TPST1: variants seen among roughly 807,000 people sequenced by gnomAD.
The protein encoded by TPST1 is protein-tyrosine sulfotransferase 1.
TPST1 carries 20 observed loss-of-function variants against 34.8 expected under a neutral mutation model. That is an observed-to-expected ratio of 0.57 (90% confidence interval 0.40 to 0.84). The LOEUF is 0.84. Ranked by LOEUF, TPST1 falls within the 40% of genes least tolerant of loss-of-function variation. TPST1 has a pLI of 0.00. For synonymous variants in TPST1, 152 were observed against 159.4 expected (o/e 0.95, Z 0.35); for missense variants, 353 against 455.5 (o/e 0.78, Z 2.05).
At chr7:66,319,803 G>A (rs1791713697) in intron 3 of TPST1, among the ~76,000 whole-genome samples, 1 of 152,142 alleles carries the variant, frequency 6.6e-6, no homozygotes, top group East Asian at 1.9e-4. Context: ...TTTCGTAATT[G>A]GATGAAGAGT....
At chr7:66,357,017 C>A in intron 5 of TPST1, 146 bp downstream of exon 5, 1 of 673,576 alleles carries the variant, frequency 1.5e-6, no homozygotes, top group Non-Finnish European at 2.6e-6. Flanking sequence ...TGGAAGCAAG[C>A]ACATTACTTC....
chr7:66,243,610 A>ATTTTTTTTTTTTTTTTTTTTTTTTTTTTT (rs10627680), intron 2 of TPST1, among the ~76,000 whole-genome samples: 1 of 123,376 alleles, frequency 8.1e-6, no homozygotes, highest in Non-Finnish European at 1.6e-5. Context: ...TGCCCAGCTA[A>ATTTTTTTTTTTTTTTTTTTTTTTTTTTTT]TTTTTTTTTT....
At chr7:66,257,487 G>A (rs1790403216) in intron 2 of TPST1, among the ~76,000 whole-genome samples, 1 of 152,172 alleles carries the variant, frequency 6.6e-6, no homozygotes, top group African/African-American at 2.4e-5. Flanking sequence ...TTTCATGAAA[G>A]GTAGCATGTG....
intron 2 of TPST1, among the ~76,000 whole-genome samples, chr7:66,269,822 T>A (rs949922166): frequency 3.9e-5 from 6 of 152,102 alleles, no homozygotes; most frequent in African/African-American, 1.4e-4. Flanking sequence ...AGGGAAGGAC[T>A]CATTGGTAAG....
intron 2 of TPST1, among the ~76,000 whole-genome samples, chr7:66,260,650 GT>G (rs564267870): frequency 1.5e-4 from 23 of 152,156 alleles, no homozygotes; most frequent in African/African-American, 5.3e-4. Flanking sequence ...TTTTTTGTTT[GT>G]TTTATTTTTG....
intron 3 of TPST1, among the ~76,000 whole-genome samples, chr7:66,315,489 G>T (rs935989356): frequency 1.3e-5 from 2 of 152,222 alleles, no homozygotes; most frequent in Admixed American, 6.5e-5. Context: ...GGACAAGAAA[G>T]CCTGGGTGAT....
intron 3 of TPST1, among the ~76,000 whole-genome samples, chr7:66,311,579 G>T (rs546279579): frequency 6.6e-6 from 1 of 152,116 alleles, no homozygotes; most frequent in African/African-American, 2.4e-5. Context: ...TTAAGGCTTC[G>T]ATTATTAAAC....
Position 66,205,754 on chromosome 7 carries a change from CG to C in TPST1, c.-102+236del. 6.5e-6 allele frequency: 1 copy of C among 152,758 alleles called. No homozygotes were observed. Among genetic ancestry groups the C allele is most frequent in the Non-Finnish European group, 1.5e-5 (1 of 68,512 alleles). The allele number at this position is 152,758 out of a possible 1,614,324, so 9.5% of individuals were successfully genotyped here. ...CCGGGCTCGGCTTCGCCCCGGCCGC[CG>C]GGGCCTCTCCCCTCTGCCCTTTCTC... On this transcript the variant is annotated intron_variant, in intron 1 of 5. Transcript: ENST00000304842. This position sits in a 1 kb window ranked among gnomAD's most constrained non-coding sequence, Gnocchi z 5.0.
At chr7:66,273,594 C>T (rs1407400915) in intron 2 of TPST1, among the ~76,000 whole-genome samples, 1 of 152,074 alleles carries the variant, frequency 6.6e-6, no homozygotes, top group Non-Finnish European at 1.5e-5. Context: ...ACGAATGGAA[C>T]TGAATAGAGC....
chr7:66,277,908 T>C (rs1191869925), intron 2 of TPST1, among the ~76,000 whole-genome samples: 1 of 151,970 alleles, frequency 6.6e-6, no homozygotes, highest in Admixed American at 6.6e-5. Flanking sequence ...GAGACCAGCC[T>C]GGCCAACATG....
At chr7:66,337,868 T>C (rs1422542680) in intron 3 of TPST1, among the ~76,000 whole-genome samples, 2 of 151,800 alleles carry the variant, frequency 1.3e-5, no homozygotes, top group Non-Finnish European at 2.9e-5. Context: ...TAGCACAAAA[T>C]CAAAGCACGC....
intron 3 of TPST1, among the ~76,000 whole-genome samples, chr7:66,317,852 T>C (rs1423935598): frequency 6.6e-6 from 1 of 152,224 alleles, no homozygotes; most frequent in East Asian, 1.9e-4. Context: ...TTTATTATTT[T>C]GTTAACCTTT....
intron 2 of TPST1, among the ~76,000 whole-genome samples, chr7:66,260,428 G>T (rs1045646052): frequency 2.6e-5 from 4 of 152,178 alleles, no homozygotes; most frequent in African/African-American, 7.2e-5. Context: ...TTAGATTAGG[G>T]ATGCTCAACG....
chr7:66,220,379 A>G (rs1584144031), intron 1 of TPST1, among the ~76,000 whole-genome samples: 2 of 152,206 alleles, frequency 1.3e-5, no homozygotes, highest in East Asian at 3.8e-4. Flanking sequence ...TAATTCATTC[A>G]AAAGGCTCTA....
chr7:66,297,331 A>C (rs1269338548), intron 3 of TPST1, among the ~76,000 whole-genome samples: 2 of 152,136 alleles, frequency 1.3e-5, no homozygotes, highest in Non-Finnish European at 2.9e-5. Flanking sequence ...TCCAAAATTG[A>C]ATTTATTTTC....
intron 1 of TPST1, among the ~76,000 whole-genome samples, chr7:66,238,179 T>C (rs990882548): frequency 1.3e-5 from 2 of 152,006 alleles, no homozygotes; most frequent in African/African-American, 4.8e-5. Context: ...ACCCTTATCT[T>C]ATCTCCTGCT....
chr7:66,279,930 G>A (rs960818292), intron 2 of TPST1, among the ~76,000 whole-genome samples: 10 of 152,318 alleles, frequency 6.6e-5, no homozygotes, highest in East Asian at 1.9e-4. Context: ...GGCTTTAAAT[G>A]GAGCAGCACC....
intron 2 of TPST1, among the ~76,000 whole-genome samples, chr7:66,279,518 C>T (rs1222143712): frequency 6.6e-6 from 1 of 152,182 alleles, no homozygotes; most frequent in Non-Finnish European, 1.5e-5. Context: ...TCCACAGTGG[C>T]TAAACTAATT....
chr7:66,276,022 T>C (rs62468669), intron 2 of TPST1, among the ~76,000 whole-genome samples: 5,598 of 151,976 alleles, frequency 0.037, 165 homozygotes, highest in East Asian at 0.088. Flanking sequence ...GTTTTGATGT[T>C]GAAAAGTCTG....
Sources: gnomAD v4.1 joint callset for allele counts (sites outside exome capture counted in the v4.1 genomes callset) on GRCh38, gnomAD v4.1.1 for gene constraint, Gnocchi (gnomAD v3.1) non-coding constraint, MANE v1.5 for transcripts, NCBI Gene and HGNC (gene_info 2026-07-23, HGNC 2026-07-21) for gene names.